Variants in MYO5B observed in about 807,000 individuals in gnomAD.
MYO5B encodes the protein myosin VB.
Under a neutral mutation model 229.3 loss-of-function variants are expected in MYO5B, and 143 were observed. The ratio of observed to expected loss-of-function variants is 0.62; its 90% CI spans 0.54 to 0.72. MYO5B has a LOEUF of 0.72. MYO5B is among the 30% of genes least tolerant of loss of function. The pLI is 0.00. For missense variants in MYO5B, 2,321 were observed against 2,331.0 expected (o/e 1.00, Z 0.09); for synonymous variants, 918 against 885.2 (o/e 1.04, Z -0.66).
chr18:49,938,685 C>T (rs2025278404), intron 14 of MYO5B, among the ~76,000 whole-genome samples: 1 of 152,110 alleles, frequency 6.6e-6, no homozygotes, highest in African/African-American at 2.4e-5. Context: ...TCCCACTCAC[C>T]CCTCTCAGAC....
chr18:50,180,729 T>G (rs1039939901), intron 1 of MYO5B, among the ~76,000 whole-genome samples: 6 of 152,358 alleles, frequency 3.9e-5, no homozygotes, highest in African/African-American at 1.4e-4. Context: ...TCTCTATGAA[T>G]TTGACCATTC....
intron 8 of MYO5B, 48 bp downstream of exon 8, chr18:49,984,670 G>GT: frequency 7.1e-7 from 1 of 1,415,452 alleles, no homozygotes; most frequent in Non-Finnish European, 1.0e-6. Context: ...TCTACCCTCC[G>GT]TGCCATCAGC....
chr18:50,036,853 GC>G lies in MYO5B; in HGVS notation c.451del (p.Ala151ProfsTer10). ...TCTGGGCTGAGGACATTCTCACCTG[GC>G]CATCTGCTTGTAGGCTTCTTCTGCC... ...AVAEEAYKQM[A>X]RDEKNQSIIV... is the part of the protein sequence containing the mutation. On this transcript the variant is annotated frameshift_variant, in exon 4 of 40. Coordinates refer to ENST00000285039, the MANE Select transcript of MYO5B (RefSeq NM_001080467.3). LOFTEE classifies it high-confidence loss of function. 1.2e-6 allele frequency: 2 copies of G among 1,613,986 alleles called. No homozygotes were observed. The highest frequency in any genetic ancestry group is 8.5e-7 in the Non-Finnish European group (1 of 1,179,992).
intron 17 of MYO5B, among the ~76,000 whole-genome samples, chr18:49,916,066 T>A (rs2025010954): frequency 1.3e-5 from 2 of 152,234 alleles, no homozygotes; most frequent in Admixed American, 1.3e-4. Flanking sequence ...AAAGCTGCCC[T>A]GCCCTTTCCT....
chr18:50,160,041 G>A (rs1393305955), intron 1 of MYO5B, among the ~76,000 whole-genome samples: 4 of 152,208 alleles, frequency 2.6e-5, no homozygotes, highest in Admixed American at 1.3e-4. Context: ...ATGGCCAGGG[G>A]TGCAAATGGC....
At chr18:50,052,038 T>G (rs992046392) in intron 2 of MYO5B, among the ~76,000 whole-genome samples, 2 of 152,140 alleles carry the variant, frequency 1.3e-5, no homozygotes, top group Non-Finnish European at 2.9e-5. Context: ...TGGCGATCAT[T>G]AAAAAGTCAG....
intron 2 of MYO5B, among the ~76,000 whole-genome samples, chr18:50,043,603 A>G (rs1222781740): frequency 4.5e-5 from 6 of 132,918 alleles, no homozygotes; most frequent in African/African-American, 1.7e-4. Flanking sequence ...TAAGTATATA[A>G]ATATATAAAT....
intron 1 of MYO5B, among the ~76,000 whole-genome samples, chr18:50,158,951 C>T (rs543737237): frequency 2.0e-5 from 3 of 152,290 alleles, no homozygotes; most frequent in Non-Finnish European, 4.4e-5. Flanking sequence ...ACGATGTTTG[C>T]CGTTATCATT....
chr18:49,905,121 T>C (rs1268167112), intron 19 of MYO5B, among the ~76,000 whole-genome samples: 1 of 152,218 alleles, frequency 6.6e-6, no homozygotes, highest in African/African-American at 2.4e-5. Context: ...AGCACTCTTC[T>C]ACCTCACTGT....
Position 49,864,157 on chromosome 18 carries a change from A to G in MYO5B, c.3827T>C (p.Leu1276Pro), listed in dbSNP as rs1486146922. Residue 1276 changes from leucine (L) to proline (P), a missense_variant, in exon 28 of 40, where the codon CTC becomes CCC. Coordinates refer to ENST00000285039, the MANE Select transcript of MYO5B (RefSeq NM_001080467.3). ...TCTTGTTACCGCGTTCCTGCCGGCG[A>G]GTCGCCGCTGGTCGGCGCTCACGAT... ...TQIVSADQRR[L>P]AGRNAEPNIN... 2 of 1,609,970 alleles carry G rather than the reference A, an allele frequency of 1.2e-6. No individual in the cohort carries two copies. Among genetic ancestry groups the G allele is most frequent in the East Asian group, 2.2e-5 (1 of 44,878 alleles).
intron 1 of MYO5B, among the ~76,000 whole-genome samples, chr18:50,088,114 G>A (rs548209979): frequency 5.8e-4 from 88 of 152,310 alleles, no homozygotes; most frequent in African/African-American, 1.9e-3. Context: ...GACACACAGC[G>A]GCAGGACCGG....
chr18:50,174,663 C>G (rs1026164582), intron 1 of MYO5B, among the ~76,000 whole-genome samples: 6 of 152,288 alleles, frequency 3.9e-5, no homozygotes, highest in Middle Eastern at 3.4e-3. Flanking sequence ...CAGAAGCCAG[C>G]CATCGTGAGT....
chr18:49,988,777 A>C (rs1282127057), intron 7 of MYO5B, among the ~76,000 whole-genome samples: 2 of 152,186 alleles, frequency 1.3e-5, no homozygotes, highest in African/African-American at 2.4e-5. Flanking sequence ...CTTGAGAGTG[A>C]CAGGCACCCT....
intron 4 of MYO5B, among the ~76,000 whole-genome samples, chr18:50,019,534 C>T (rs1310285761): frequency 1.3e-5 from 2 of 152,254 alleles, no homozygotes; most frequent in Admixed American, 6.5e-5. Flanking sequence ...GAAAAACAGT[C>T]ACTCACACAA....
chr18:49,829,859 C>T lies in MYO5B; in HGVS notation c.5395-3236G>A, dbSNP rs140156763. ...AGGAAAAAACCCACATCATCTCAAT[C>T]GATGGAGAAAAGCATTTGCCAAAAT... On this transcript the variant is annotated intron_variant, in intron 39 of 39. Transcript: ENST00000285039. 7.2e-5 allele frequency among the ~76,000 whole-genome samples: 11 copies of T among 152,182 alleles called. No homozygotes were observed. In the East Asian group the frequency reaches 1.2e-3, roughly 16 times the overall value.
chr18:49,839,588 T>A (rs2024032338), intron 35 of MYO5B, among the ~76,000 whole-genome samples: 1 of 152,224 alleles, frequency 6.6e-6, no homozygotes, highest in Admixed American at 6.5e-5. Flanking sequence ...TGGTACCAGG[T>A]CCAGAGAAAG....
chr18:50,074,350 C>G (rs180698299), intron 1 of MYO5B, among the ~76,000 whole-genome samples: 146 of 152,302 alleles, frequency 9.6e-4, no homozygotes, highest in African/African-American at 3.3e-3. Context: ...GGTGAGGACA[C>G]AGCCAAACCT....
intron 34 of MYO5B, among the ~76,000 whole-genome samples, chr18:49,842,387 G>A (rs1356348662): frequency 6.6e-6 from 1 of 152,238 alleles, no homozygotes; most frequent in East Asian, 1.9e-4. Flanking sequence ...CAGACTTAAA[G>A]GCTGGCTCTG....
At chr18:50,029,468 T>C (rs1341969502) in intron 4 of MYO5B, among the ~76,000 whole-genome samples, 3 of 152,206 alleles carry the variant, frequency 2.0e-5, no homozygotes, top group African/African-American at 7.2e-5. Context: ...AACCCTGACT[T>C]GAAATTATAT....
Sources: allele counts gnomAD v4.1 joint callset (sites outside exome capture counted in the v4.1 genomes callset), GRCh38; gene constraint gnomAD v4.1.1; transcripts MANE v1.5; gene names NCBI Gene and HGNC (gene_info 2026-07-23, HGNC 2026-07-21).